EAPP: variants seen among roughly 807,000 people sequenced by gnomAD.
EAPP encodes E2F-associated phosphoprotein.
A neutral mutation model predicts 34.3 loss-of-function variants in EAPP; 38 were observed. The observed-to-expected ratio is 1.11, with a 90% CI of 0.85 to 1.45. The LOEUF is 1.45. Among genes scored for constraint, EAPP ranks in the 40% most tolerant of loss-of-function variants. EAPP has a pLI of 0.00. For synonymous variants in EAPP, 113 were observed against 117.6 expected (o/e 0.96, Z 0.25); for missense variants, 338 against 343.7 (o/e 0.98, Z 0.13).
chr14:34,534,981 G>A (rs919049328), intron 2 of EAPP, among the ~76,000 whole-genome samples: 8 of 151,672 alleles, frequency 5.3e-5, no homozygotes, highest in Non-Finnish European at 1.2e-4. Context: ...TCGGACTGCA[G>A]GCACGTGCCA....
chr14:34,519,875 TCTTTC>T (rs1879856875), intron 5 of EAPP, among the ~76,000 whole-genome samples: 1 of 150,648 alleles, frequency 6.6e-6, no homozygotes, highest in African/African-American at 2.5e-5. Flanking sequence ...ATAACAAGGT[TCTTTC>T]TTTTCTTTTT....
chr14:34,532,117 A>G (rs1395897370), intron 3 of EAPP, among the ~76,000 whole-genome samples: 4 of 151,800 alleles, frequency 2.6e-5, no homozygotes, highest in African/African-American at 9.7e-5. Flanking sequence ...GAAAAATTCA[A>G]TTTTGAACAT....
intron 4 of EAPP, among the ~76,000 whole-genome samples, chr14:34,525,081 T>TA (rs1219672276): frequency 4.6e-5 from 7 of 151,942 alleles, no homozygotes; most frequent in African/African-American, 1.7e-4. Context: ...AGCAACAAAA[T>TA]AAAGTAGGAC....
Position 34,533,464 on chromosome 14 carries a change from G to C in EAPP, c.332C>G (p.Ser111Cys). The C allele has an allele frequency of 6.2e-7, 1 of 1,611,458 alleles. No individual in the cohort carries two copies. Among genetic ancestry groups the C allele is most frequent in the Non-Finnish European group, 8.5e-7 (1 of 1,179,040 alleles). Residue 111 changes from serine (S) to cysteine (C), a missense_variant, in exon 3 of 6, where the codon TCC (serine) becomes TGC (cysteine). Coordinates refer to ENST00000250454, the MANE Select transcript of EAPP (RefSeq NM_018453.4). ...YYDDIYFDSD[S>C]EDEDRAVQVT... ...CTTACCTGCTCTGTCTTCATCCTCG[G>C]AATCAGAATCAAAATATATATCATC...
Position 34,533,487 on chromosome 14 carries a change from A to G in EAPP, c.309T>C (p.Asp103=). The change falls in exon 3 of 6, where the codon GAT becomes GAC. Residue 103 remains aspartate, a synonymous_variant. Transcript: ENST00000250454. The part of the protein sequence containing the change: ...KVATAPTRYY[D]DIYFDSDSED... Reference sequence around the variant, plus strand: ...CGGAATCAGAATCAAAATATATATCATCGTAGTACCTTGTCGGAGCTGTTG... The same window carrying G: ...CGGAATCAGAATCAAAATATATATCGTCGTAGTACCTTGTCGGAGCTGTTG... The G allele has an allele frequency of 6.2e-7, 1 of 1,607,576 alleles. No homozygotes were observed. Among genetic ancestry groups the G allele is most frequent in the Non-Finnish European group, 8.5e-7 (1 of 1,178,448 alleles).
chr14:34,518,750 T>C (rs1004809061), intron 5 of EAPP, among the ~76,000 whole-genome samples: 1 of 152,196 alleles, frequency 6.6e-6, no homozygotes, highest in African/African-American at 2.4e-5. Flanking sequence ...ACTTCTTTGT[T>C]TCCTTTTTAC....
intron 3 of EAPP, among the ~76,000 whole-genome samples, chr14:34,532,417 G>A (rs181539370): frequency 2.0e-5 from 3 of 151,686 alleles, no homozygotes; most frequent in East Asian, 1.9e-4. Flanking sequence ...CAAGATGGTG[G>A]TGCCATCGCA....
intron 3 of EAPP, among the ~76,000 whole-genome samples, chr14:34,532,865 T>C (rs767407455): frequency 6.6e-5 from 10 of 152,030 alleles, no homozygotes; most frequent in Admixed American, 2.0e-4. Context: ...TTAATAGACA[T>C]GGGGTTTCAC....
chr14:34,529,539 AAG>A (rs1237677098), intron 3 of EAPP, 64 bp from the exon 4 acceptor site: 7 of 1,168,186 alleles, frequency 6.0e-6, no homozygotes, highest in Non-Finnish European at 8.7e-6. Flanking sequence ...TCTTTAAATG[AAG>A]AGTCTCATTT....
intron 5 of EAPP, among the ~76,000 whole-genome samples, chr14:34,517,614 C>T (rs890895040): frequency 2.6e-5 from 4 of 151,832 alleles, no homozygotes; most frequent in Non-Finnish European, 5.9e-5. Context: ...TTATTTGGGC[C>T]TTCTCTCTTT....
At chr14:34,536,045 C>T (rs745631390) in intron 2 of EAPP, 49 bp downstream of exon 2, 3 of 1,402,132 alleles carry the variant, frequency 2.1e-6, no homozygotes, top group South Asian at 1.3e-5. Flanking sequence ...AAGGTTCCTG[C>T]CCTTACAGAG....
intron 5 of EAPP, among the ~76,000 whole-genome samples, chr14:34,521,015 G>A (rs141706689): frequency 6.6e-6 from 1 of 152,144 alleles, no homozygotes; most frequent in East Asian, 1.9e-4. Context: ...TGTGTTTGGT[G>A]TTCTCTGGCC....
At chr14:34,523,902 A>G (rs917943751) in intron 5 of EAPP, among the ~76,000 whole-genome samples, 3 of 152,136 alleles carry the variant, frequency 2.0e-5, no homozygotes, top group African/African-American at 7.2e-5. Context: ...TATAAAGATT[A>G]GTCACACAGC....
At chr14:34,538,585 T>TTG (rs1880553296) in intron 1 of EAPP, among the ~76,000 whole-genome samples, 1 of 32,420 alleles carries the variant, frequency 3.1e-5, no homozygotes, top group Admixed American at 4.3e-4. Flanking sequence ...GTTCTTTTGA[T>TTG]TTTTTTTTTT....
intron 5 of EAPP, 44 bp downstream of exon 5, chr14:34,524,653 A>ATGTGTGTGTGTG (rs111420332): frequency 0.032 from 27,493 of 869,368 alleles, 546 homozygotes; most frequent in African/African-American, 0.09. Flanking sequence ...TAAACAAAAT[A>ATGTGTGTGTGTG]TGTATGTGTG....
At chr14:34,530,288 T>C (rs1392671543) in intron 3 of EAPP, among the ~76,000 whole-genome samples, 1 of 151,972 alleles carries the variant, frequency 6.6e-6, no homozygotes, top group African/African-American at 2.4e-5. Flanking sequence ...ATCCTAGAGC[T>C]TTGAGGGGCT....
At position 34,516,151 on chromosome 14, in the gene EAPP, G is replaced by A; in HGVS notation, c.*159C>T. 1.6e-6 allele frequency: 1 copy of A among 614,488 alleles called. No individual in the cohort carries two copies. The highest frequency in any genetic ancestry group is 1.9e-5 in the African/African-American group (1 of 53,912). The allele number at this position is 614,488 out of a possible 1,614,324, so 38.1% of individuals were successfully genotyped here. A position where few individuals can be genotyped will look rare whatever the true frequency, so the allele number is the denominator to read the frequency against. Reference sequence around the variant, plus strand: ...AAAGAAAAAAAAAAGGAGAGGGTGAGAGATGTAAGAGATGAATGAAGGTTG... The same window carrying A: ...AAAGAAAAAAAAAAGGAGAGGGTGAAAGATGTAAGAGATGAATGAAGGTTG... On this transcript the variant is annotated 3_prime_UTR_variant, in exon 6 of 6. Coordinates refer to ENST00000250454, the MANE Select transcript of EAPP (RefSeq NM_018453.4).
At chr14:34,537,183 G>A (rs1304846660) in intron 1 of EAPP, among the ~76,000 whole-genome samples, 1 of 151,898 alleles carries the variant, frequency 6.6e-6, no homozygotes, top group Non-Finnish European at 1.5e-5. Context: ...CTAATTTTTT[G>A]TATTTTCAGT....
chr14:34,519,606 T>G (rs1879846949), intron 5 of EAPP, among the ~76,000 whole-genome samples: 1 of 152,018 alleles, frequency 6.6e-6, no homozygotes, highest in African/African-American at 2.4e-5. Context: ...TATGAGCCAA[T>G]TAAACTTCTT....
Sources: allele counts gnomAD v4.1 joint callset (sites outside exome capture counted in the v4.1 genomes callset), GRCh38; gene constraint gnomAD v4.1.1; transcripts MANE v1.5; gene names NCBI Gene and HGNC (gene_info 2026-07-23, HGNC 2026-07-21).